Variants in CDK15 observed in about 807,000 individuals in gnomAD.
CDK15 encodes the protein cyclin-dependent kinase 15.
In CDK15, 62 loss-of-function variants were observed where a neutral mutation model predicts 60.3. The observed-to-expected ratio is 1.03, with a 90% confidence interval of 0.84 to 1.27. The LOEUF (loss-of-function observed/expected upper bound fraction) is 1.27, where lower values mean the gene tolerates loss of function less well. CDK15 is among the 50% of genes most tolerant of loss of function. The pLI is 0.00. For missense variants in CDK15, 541 were observed against 527.8 expected (o/e 1.03, Z -0.25); for synonymous variants, 194 against 195.7 (o/e 0.99, Z 0.07).
intron 9 of CDK15, among the ~76,000 whole-genome samples, chr2:201,851,782 C>T (rs1697922968): frequency 6.6e-6 from 1 of 152,120 alleles, no homozygotes; most frequent in African/African-American, 2.4e-5. Flanking sequence ...GCCTCAGCTT[C>T]CCAAGTAGCT....
At chr2:201,817,705 C>T (rs746682697) in intron 4 of CDK15, among the ~76,000 whole-genome samples, 1 of 152,114 alleles carries the variant, frequency 6.6e-6, no homozygotes, top group Non-Finnish European at 1.5e-5. Flanking sequence ...TGCCAATGAC[C>T]ACAAATAGTC....
In CDK15 at chr2:201,878,697, T is replaced by A. The variant is rs538097974; in HGVS notation, c.1059-1331T>A. 2.4e-4 allele frequency among the ~76,000 whole-genome samples: 37 copies of A among 152,276 alleles called. 2 individuals carry two copies. In the South Asian group the frequency reaches 7.3e-3, roughly 30 times the overall value. On this transcript the variant is annotated intron_variant, in intron 11 of 13. Transcript: ENST00000652192. ...GAGTGATTGCCAATTAATAGAAATG[T>A]ATTTCTCACAGCTCTGGAGCCTGGG... is the stretch of plus-strand genomic sequence containing the variant.
intron 2 of CDK15, 89 bp downstream of exon 2, chr2:201,807,732 G>A (rs1303191067): frequency 2.4e-5 from 38 of 1,570,980 alleles, no homozygotes; most frequent in Admixed American, 7.0e-5. Context: ...ATTACTGAGC[G>A]AGCCTTCCCA....
At chr2:201,881,075 T>TG (rs963771273) in intron 12 of CDK15, among the ~76,000 whole-genome samples, 3 of 151,450 alleles carry the variant, frequency 2.0e-5, no homozygotes, top group Admixed American at 6.6e-5. Flanking sequence ...GGAAGGGGCG[T>TG]GGGGGAGTGG....
At chr2:201,892,036 T>C (rs1699655524) in intron 13 of CDK15, among the ~76,000 whole-genome samples, 1 of 152,230 alleles carries the variant, frequency 6.6e-6, no homozygotes, top group Non-Finnish European at 1.5e-5. Context: ...TAAAGGCATA[T>C]ACACATTAAA....
chr2:201,876,860 C>T lies in CDK15; in HGVS notation c.1059-3168C>T, dbSNP rs972271295. ...TCACCCAGGCTAGAGTGCAGTGGTA[C>T]GATCGTGGCTCACTGCAGCCTCGAC... On this transcript the variant is annotated intron_variant, in intron 11 of 13. Coordinates refer to ENST00000652192, the MANE Select transcript of CDK15 (RefSeq NM_001366386.2). Among the ~76,000 whole-genome samples, 13 of 152,246 alleles carry T rather than the reference C, an allele frequency of 8.5e-5. 1 individual carries two copies. The highest frequency in any genetic ancestry group is 1.5e-4 in the Non-Finnish European group (10 of 68,006).
chr2:201,886,916 T>C (rs1364439396), intron 12 of CDK15, among the ~76,000 whole-genome samples: 1 of 152,200 alleles, frequency 6.6e-6, no homozygotes, highest in East Asian at 1.9e-4. Flanking sequence ...TTGAAACTTT[T>C]GCAAAGTGTT....
chr2:201,842,091 G>C (rs1015436824), intron 8 of CDK15, among the ~76,000 whole-genome samples: 3 of 152,104 alleles, frequency 2.0e-5, no homozygotes, highest in African/African-American at 4.8e-5. Context: ...TCCATCTCCA[G>C]AACTTTTCAT....
rs373198183 is a variant in CDK15, at chr2:201,826,458, C to CAAAAAAA, written c.606+2748_606+2754dup. Among the ~76,000 whole-genome samples the CAAAAAAA allele has an allele frequency of 1.0e-3, 80 of 78,176 alleles. 2 individuals are homozygous for CAAAAAAA. Among genetic ancestry groups the CAAAAAAA allele is most frequent in the African/African-American group, 1.3e-3 (25 of 19,368 alleles). 51.3% of individuals were successfully genotyped at this position (78,176 alleles called of 152,430 possible). A position where few individuals can be genotyped will look rare whatever the true frequency, so the allele number is the denominator to read the frequency against. ...TGGGCGACAGAGTGAGACTGCGTCT[C>CAAAAAAA]AAAAAAAAAAAAAAAAAAAAAAAGT... On this transcript the variant is annotated intron_variant, in intron 6 of 13. Coordinates refer to ENST00000652192, the MANE Select transcript of CDK15 (RefSeq NM_001366386.2).
At chr2:201,837,636 T>G (rs1050048473) in intron 8 of CDK15, among the ~76,000 whole-genome samples, 1 of 152,116 alleles carries the variant, frequency 6.6e-6, no homozygotes, top group Non-Finnish European at 1.5e-5. Context: ...AACGGCAGTG[T>G]TATTTTCTCT....
rs954277509 is a variant in CDK15, at chr2:201,882,036, C to T, written c.1198+1869C>T. ...TCTAGGCTCCAGCTTTTGCTTGACG[C>T]AAGATGATTAGGAAGAAACAATCAC... On this transcript the variant is annotated intron_variant, in intron 12 of 13. Transcript: ENST00000652192. This position sits in a 1 kb window ranked among gnomAD's most constrained non-coding sequence, Gnocchi z 4.0. Among the ~76,000 whole-genome samples, 10 of 152,084 alleles carry T rather than the reference C, an allele frequency of 6.6e-5. No individual in the cohort carries two copies. Among genetic ancestry groups the T allele is most frequent in the Non-Finnish European group, 1.3e-4 (9 of 68,020 alleles).
chr2:201,817,379 G>A lies in CDK15; in HGVS notation c.448+4817G>A, dbSNP rs118151146. ...TTGATTTGCATTTCTCTGATGATTC[G>A]TGATGTTGAGCAATTTTTTCATATG... On this transcript the variant is annotated intron_variant, in intron 4 of 13. Transcript: ENST00000652192. Among the ~76,000 whole-genome samples the A allele has an allele frequency of 1.8e-3, 268 of 152,216 alleles. 5 individuals carry two copies. In the East Asian group the frequency reaches 0.044, roughly 25 times the overall value.
intron 4 of CDK15, among the ~76,000 whole-genome samples, chr2:201,822,472 TCTC>T (rs1204597724): frequency 1.3e-5 from 2 of 152,180 alleles, no homozygotes; most frequent in African/African-American, 4.8e-5. Context: ...TCTCCAGGCC[TCTC>T]CTCCTGTAGC....
At chr2:201,836,058 T>TATATTTATATTTA (rs1553523956) in intron 8 of CDK15, among the ~76,000 whole-genome samples, 65,448 of 95,554 alleles carry the variant, frequency 0.68, 20,326 homozygotes, top group Admixed American at 0.75. Context: ...TATATATATA[T>TATATTTATATTTA]TATATATATT....
At chr2:201,846,509 G>A (rs1368366551) in intron 8 of CDK15, among the ~76,000 whole-genome samples, 1 of 149,626 alleles carries the variant, frequency 6.7e-6, no homozygotes, top group Non-Finnish European at 1.5e-5. Flanking sequence ...AAAAAAAATT[G>A]CAGAATTGGT....
chr2:201,851,214 C>T (rs1445124705), intron 9 of CDK15, among the ~76,000 whole-genome samples: 3 of 149,912 alleles, frequency 2.0e-5, no homozygotes, highest in Non-Finnish European at 4.4e-5. Context: ...ATTGCTTGAA[C>T]CCAGGAGGAG....
intron 6 of CDK15, among the ~76,000 whole-genome samples, chr2:201,828,553 G>A (rs890823112): frequency 6.8e-6 from 1 of 147,730 alleles, no homozygotes; most frequent in Non-Finnish European, 1.5e-5. Context: ...TACTCTTGAT[G>A]CATTGACCTT....
intron 4 of CDK15, among the ~76,000 whole-genome samples, chr2:201,816,455 GTTTTTTTTT>G (rs55930032): frequency 1.3e-5 from 1 of 79,854 alleles, no homozygotes; most frequent in Non-Finnish European, 2.3e-5. Flanking sequence ...TAAGGAAATG[GTTTTTTTTT>G]TTTTTTTTTT....
Position 201,880,087 on chromosome 2 carries a change from G to T in CDK15, c.1118G>T (p.Arg373Ile). ...LASQMLKGFP[R>I]DRVSAQEALV... ...TCCCAGATGCTAAAAGGCTTTCCCA[G>T]AGACCGCGTCTCCGCCCAGGAAGCA... Residue 373 changes from arginine to isoleucine, a missense_variant, in exon 12 of 14, where the codon AGA becomes ATA. By Grantham distance (97) the Arg-to-Ile change is moderately conservative. Transcript: ENST00000652192. 1 of 1,614,140 alleles carries T rather than the reference G, an allele frequency of 6.2e-7. No homozygotes were observed. Among genetic ancestry groups the T allele is most frequent in the Non-Finnish European group, 8.5e-7 (1 of 1,180,012 alleles).
Sources: allele counts gnomAD v4.1 joint callset (sites outside exome capture counted in the v4.1 genomes callset), GRCh38; gene constraint gnomAD v4.1.1; non-coding constraint Gnocchi (gnomAD v3.1); transcripts MANE v1.5; gene names NCBI Gene and HGNC (gene_info 2026-07-23, HGNC 2026-07-21).